LGALS7: variants seen among roughly 807,000 people sequenced by gnomAD.
LGALS7 encodes galectin 7, also known as galectin-7.
LGALS7 carries 4 observed loss-of-function variants against 5.7 expected under a neutral mutation model. That is an observed-to-expected ratio of 0.70 (90% CI 0.34 to 1.60). LGALS7 has a LOEUF of 1.60. Among genes scored for constraint, LGALS7 ranks in the 40% most tolerant of loss-of-function variants. The pLI, the probability that LGALS7 is intolerant of heterozygous loss-of-function variation, is 0.05. For synonymous variants in LGALS7, 7 were observed against 33.9 expected, an observed-to-expected ratio of 0.21 and a Z score of 2.76; for missense variants, 12 against 72.7, an observed-to-expected ratio of 0.17 and a Z score of 3.04.
intron 1 of LGALS7, 156 bp from the exon 2 acceptor site, chr19:38,773,259 A>G: frequency 7.2e-6 from 1 of 139,670 alleles, no homozygotes; most frequent in East Asian, 8.7e-5. Context: ...GAGACCAGAA[A>G]CAGACAGGGA....
Position 38,773,494 on chromosome 19 carries a change from G to A in LGALS7, c.-2C>T, listed in dbSNP as rs1392811415. The stretch of plus-strand genomic sequence containing the variant: ...GGCCCCTGGAGCACTCACGGACATG[G>A]CTGGGACCGGGTTGGGCAGCCGTGG... On this transcript the variant is annotated 5_prime_UTR_variant, in exon 1 of 4. Coordinates refer to ENST00000378626, the MANE Select transcript of LGALS7 (RefSeq NM_002307.4). 2.7e-6 allele frequency: 3 copies of A among 1,106,970 alleles called. No individual in the cohort carries two copies. The highest frequency in any genetic ancestry group is 3.5e-6 in the Non-Finnish European group (3 of 852,634). The allele number at this position is 1,106,970 out of a possible 1,614,324, so 68.6% of individuals were successfully genotyped here.
In LGALS7 at chr19:38,773,467, C is replaced by T. The variant is rs1163876712; in HGVS notation, c.6+20G>A. On this transcript the variant is annotated intron_variant, in intron 1 of 3. Transcript: ENST00000378626. ...GCCCCCTCCCTGCTTGGCCCCGCCC[C>T]GGGCCCCTGGAGCACTCACGGACAT... 7.1e-5 allele frequency: 68 copies of T among 960,834 alleles called. No homozygotes were observed. Among genetic ancestry groups the T allele is most frequent in the African/African-American group, 1.1e-4 (6 of 54,102 alleles). 59.5% of individuals were successfully genotyped at this position (960,834 alleles called of 1,614,324 possible). A position where few individuals can be genotyped will look rare whatever the true frequency, so the allele number is the denominator to read the frequency against.
rs62121409 is a variant in LGALS7 at position 38,773,347 on chromosome 19, G to A, written c.6+140C>T. The stretch of plus-strand genomic sequence containing the variant: ...CAGAGGAAGCCACAAAGAGGTAGAG[G>A]GGACAGTCGGGATGGGGGTTACCCG... On this transcript the variant is annotated intron_variant, in intron 1 of 3. Coordinates refer to ENST00000378626, the MANE Select transcript of LGALS7 (RefSeq NM_002307.4). 6.6e-4 allele frequency: 224 copies of A among 338,496 alleles called. 1 individual carries two copies. The highest frequency in any genetic ancestry group is 3.6e-3 in the African/African-American group (108 of 29,654). The allele number at this position is 338,496 out of a possible 1,614,324, so 21.0% of individuals were successfully genotyped here.
At chr19:38,773,443 C>T (rs1971096760) in intron 1 of LGALS7, 44 bp downstream of exon 1, 5 of 683,948 alleles carry the variant, frequency 7.3e-6, no homozygotes, top group Non-Finnish European at 1.1e-5. Flanking sequence ...GAGCCCCCAG[C>T]CCCCTCCCTG....
rs1288662333 is a variant in LGALS7, at chr19:38,772,299, C to G, written c.96-269G>C. On this transcript the variant is annotated intron_variant, in intron 2 of 3. Coordinates refer to ENST00000378626, the MANE Select transcript of LGALS7 (RefSeq NM_002307.4). ...AAAGAACAAACAAAACATAAACCGCCCAGACCAAAGTGAAGGTCTTATGGA... is the reference window on the plus strand; with the variant it reads ...AAAGAACAAACAAAACATAAACCGCGCAGACCAAAGTGAAGGTCTTATGGA... 2.2e-5 allele frequency among the ~76,000 whole-genome samples: 2 copies of G among 91,180 alleles called. 1 individual carries two copies. The highest frequency in any genetic ancestry group is 2.2e-4 in the Admixed American group (2 of 9,296). 59.8% of individuals were successfully genotyped at this position (91,180 alleles called of 152,430 possible). A position where few individuals can be genotyped will look rare whatever the true frequency, so the allele number is the denominator to read the frequency against.
At position 38,773,503 on chromosome 19, in the gene LGALS7, G is replaced by C. The variant is rs1381819449; in HGVS notation, c.-11C>G. On this transcript the variant is annotated 5_prime_UTR_variant, in exon 1 of 4. Transcript: ENST00000378626. The stretch of plus-strand genomic sequence containing the variant: ...AGCACTCACGGACATGGCTGGGACC[G>C]GGTTGGGCAGCCGTGGTGGTGGGGC... 6.5e-6 allele frequency: 7 copies of C among 1,081,044 alleles called. No homozygotes were observed. The highest frequency in any genetic ancestry group is 6.6e-4 in the Middle Eastern group (2 of 3,008). The allele number at this position is 1,081,044 out of a possible 1,614,324, so 67.0% of individuals were successfully genotyped here.
At chr19:38,771,207 TC>T in intron 3 of LGALS7, 68 bp from the exon 4 acceptor site, 1 of 234,024 alleles carries the variant, frequency 4.3e-6, no homozygotes. Context: ...AAATCACTCA[TC>T]CCCTCTGGGC....
In LGALS7 at chr19:38,773,486, C is replaced by T. The variant is rs1317020438; in HGVS notation, c.6+1G>A. The T allele has an allele frequency of 1.3e-5, 15 of 1,112,144 alleles. No individual in the cohort carries two copies. Among genetic ancestry groups the T allele is most frequent in the Admixed American group, 1.2e-4 (3 of 24,096 alleles). The allele number at this position is 1,112,144 out of a possible 1,614,324, so 68.9% of individuals were successfully genotyped here. A position where few individuals can be genotyped will look rare whatever the true frequency, so the allele number is the denominator to read the frequency against. ...CCGCCCCGGGCCCCTGGAGCACTCA[C>T]GGACATGGCTGGGACCGGGTTGGGC... On this transcript the variant is annotated splice_donor_variant, in intron 1 of 3. Transcript: ENST00000378626. LOFTEE classifies it high-confidence loss of function.
At chr19:38,772,324 A>G (rs201685835) in intron 2 of LGALS7, among the ~76,000 whole-genome samples, 15 of 94,592 alleles carry the variant, frequency 1.6e-4, no homozygotes, top group Admixed American at 2.0e-4. Context: ...GGTCTTATGG[A>G]CTGGCACTCC....
At chr19:38,773,461 C>G (rs1291659649) in intron 1 of LGALS7, 26 bp downstream of exon 1, 1 of 899,912 alleles carries the variant, frequency 1.1e-6, no homozygotes, top group Non-Finnish European at 1.5e-6. Context: ...CTGCTTGGCC[C>G]CGCCCCGGGC....
Position 38,773,468 on chromosome 19 carries a change from G to A in LGALS7, c.6+19C>T, listed in dbSNP as rs1010240881. 685 of 959,414 alleles carry A rather than the reference G, an allele frequency of 7.1e-4. No homozygotes were observed. Among genetic ancestry groups the A allele is most frequent in the Non-Finnish European group, 8.9e-4 (640 of 720,870 alleles). 59.4% of individuals were successfully genotyped at this position (959,414 alleles called of 1,614,324 possible). A position where few individuals can be genotyped will look rare whatever the true frequency, so the allele number is the denominator to read the frequency against. On this transcript the variant is annotated intron_variant, in intron 1 of 3. Coordinates refer to ENST00000378626, the MANE Select transcript of LGALS7 (RefSeq NM_002307.4). ...CCCCCTCCCTGCTTGGCCCCGCCCC[G>A]GGCCCCTGGAGCACTCACGGACATG...
intron 1 of LGALS7, 49 bp downstream of exon 1, chr19:38,773,438 C>G: frequency 3.0e-6 from 2 of 666,702 alleles, no homozygotes; most frequent in East Asian, 3.5e-5. Context: ...AAGAGGAGCC[C>G]CCAGCCCCCT....
rs1166085423 is a variant in LGALS7 at position 38,773,369 on chromosome 19, CCCGG to C, written c.6+114_6+117del. The stretch of plus-strand genomic sequence containing the variant: ...GAGGGGACAGTCGGGATGGGGGTTA[CCCGG>C]AGGCCACAGCCCAGGCCAGTCCGTG... On this transcript the variant is annotated intron_variant, in intron 1 of 3. Coordinates refer to ENST00000378626, the MANE Select transcript of LGALS7 (RefSeq NM_002307.4). 503 of 368,854 alleles carry C rather than the reference CCCGG, an allele frequency of 1.4e-3. 4 individuals carry two copies. Among genetic ancestry groups the C allele is most frequent in the African/African-American group, 0.013 (439 of 34,436 alleles). The allele number at this position is 368,854 out of a possible 1,614,324, so 22.8% of individuals were successfully genotyped here.
chr19:38,773,412 C>T (rs1162910114), intron 1 of LGALS7, 75 bp downstream of exon 1: 1 of 518,728 alleles, frequency 1.9e-6, no homozygotes, highest in Non-Finnish European at 3.1e-6. Context: ...CACTCACTGC[C>T]CACTTGCTCC....
chr19:38,771,246 CT>C (rs1244256233), intron 3 of LGALS7, 107 bp from the exon 4 acceptor site: 1 of 345,034 alleles, frequency 2.9e-6, no homozygotes, highest in East Asian at 3.4e-5. Flanking sequence ...GAAAATGGGG[CT>C]ATTGTTCATT....
At chr19:38,773,406 C>T (rs1003265591) in intron 1 of LGALS7, 81 bp downstream of exon 1, 1 of 501,712 alleles carries the variant, frequency 2.0e-6, no homozygotes, top group African/African-American at 2.5e-5. Context: ...GTGGCACACT[C>T]ACTGCCCACT....
At position 38,773,485 on chromosome 19, in the gene LGALS7, A is replaced by G; in HGVS notation, c.6+2T>C. 9.0e-7 allele frequency: 1 copy of G among 1,105,178 alleles called. No individual in the cohort carries two copies. The highest frequency in any genetic ancestry group is 1.2e-6 in the Non-Finnish European group (1 of 852,072). The allele number at this position is 1,105,178 out of a possible 1,614,324, so 68.5% of individuals were successfully genotyped here. On this transcript the variant is annotated splice_donor_variant, in intron 1 of 3. Transcript: ENST00000378626. LOFTEE classifies it high-confidence loss of function. The stretch of plus-strand genomic sequence containing the variant: ...CCCGCCCCGGGCCCCTGGAGCACTC[A>G]CGGACATGGCTGGGACCGGGTTGGG...
intron 2 of LGALS7, among the ~76,000 whole-genome samples, chr19:38,772,332 T>A (rs1971092793): frequency 2.1e-5 from 2 of 93,966 alleles, no homozygotes; most frequent in Admixed American, 1.0e-4. Flanking sequence ...GGACTGGCAC[T>A]CCCCATTCCC....
At position 38,773,503 on chromosome 19, in the gene LGALS7, G is replaced by A. The variant is rs1381819449; in HGVS notation, c.-11C>T. ...AGCACTCACGGACATGGCTGGGACCGGGTTGGGCAGCCGTGGTGGTGGGGC... is the reference window on the plus strand; with the variant it reads ...AGCACTCACGGACATGGCTGGGACCAGGTTGGGCAGCCGTGGTGGTGGGGC... On this transcript the variant is annotated 5_prime_UTR_variant, in exon 1 of 4. Coordinates refer to ENST00000378626, the MANE Select transcript of LGALS7 (RefSeq NM_002307.4). 21 of 1,080,936 alleles carry A rather than the reference G, an allele frequency of 1.9e-5. No individual in the cohort carries two copies. Among genetic ancestry groups the A allele is most frequent in the Admixed American group, 1.2e-4 (3 of 24,144 alleles). 67.0% of individuals were successfully genotyped at this position (1,080,936 alleles called of 1,614,324 possible).
Sources: allele counts gnomAD v4.1 joint callset (sites outside exome capture counted in the v4.1 genomes callset), GRCh38; gene constraint gnomAD v4.1.1; transcripts MANE v1.5; gene names NCBI Gene and HGNC (gene_info 2026-07-23, HGNC 2026-07-21).